The following TRIT1 variants were observed in gnomAD, a reference collection of about 807,000 sequenced individuals.
TRIT1 encodes the protein tRNA isopentenyltransferase 1, also known as tRNA dimethylallyltransferase.
In TRIT1, 43 loss-of-function variants were observed where a neutral mutation model predicts 51.2. The observed-to-expected ratio is 0.84, with a 90% CI of 0.66 to 1.08. The LOEUF (loss-of-function observed/expected upper bound fraction) is 1.08, where lower values mean the gene tolerates loss of function less well. Among genes scored for constraint, TRIT1 ranks in the 50% least tolerant of loss-of-function variants. The probability of loss-of-function intolerance (pLI) is 0.00; values close to 1 mark genes in which losing one functional copy is unlikely to be tolerated. For missense variants in TRIT1, 528 were observed against 578.4 expected (o/e 0.91, Z 0.89); for synonymous variants, 184 against 203.9 (o/e 0.90, Z 0.83).
In TRIT1 at chr1:39,862,867, C is replaced by G. The variant is rs7533318; in HGVS notation, c.175-5450G>C. 4.0e-3 allele frequency: 3,982 copies of G among 985,410 alleles called. 103 individuals are homozygous for G. In the African/African-American group the frequency reaches 0.057, roughly 14 times the overall value. The allele number at this position is 985,410 out of a possible 1,614,324, so 61.0% of individuals were successfully genotyped here. The stretch of plus-strand genomic sequence containing the variant: ...GAATGCTGGGAAGAGCCAAAAGGAT[C>G]TGTGTTATCTTTCAAAGACAGCATG... On this transcript the variant is annotated intron_variant, in intron 1 of 10. Coordinates refer to ENST00000316891, the MANE Select transcript of TRIT1 (RefSeq NM_017646.6).
At chr1:39,842,771 T>G (rs1641991139) in intron 10 of TRIT1, among the ~76,000 whole-genome samples, 1 of 152,230 alleles carries the variant, frequency 6.6e-6, no homozygotes, top group Non-Finnish European at 1.5e-5. Context: ...AAACATCATT[T>G]TTAAGAGTTT....
intron 1 of TRIT1, among the ~76,000 whole-genome samples, chr1:39,857,636 T>A (rs536924940): frequency 6.6e-6 from 1 of 152,310 alleles, no homozygotes; most frequent in African/African-American, 2.4e-5. Flanking sequence ...AAATAGTAGC[T>A]ATTAGCTCAG....
chr1:39,867,142 G>A (rs1643601441), intron 1 of TRIT1, among the ~76,000 whole-genome samples: 2 of 152,278 alleles, frequency 1.3e-5, no homozygotes, highest in South Asian at 2.1e-4. Context: ...TAAGGCCATA[G>A]TTTTCTTCTT....
chr1:39,844,097 C>CT lies in TRIT1; in HGVS notation c.1234+3dup. ...ATTTCTTCATGCCCCTCCCCATACT[C>CT]TACCTGCCCATTCGCGATCCCCAAT... On this transcript the variant is annotated splice_donor_region_variant and intron_variant, in intron 10 of 10. Coordinates refer to ENST00000316891, the MANE Select transcript of TRIT1 (RefSeq NM_017646.6). 3 of 1,610,556 alleles carry CT rather than the reference C, an allele frequency of 1.9e-6. No homozygotes were observed. The highest frequency in any genetic ancestry group is 2.5e-6 in the Non-Finnish European group (3 of 1,176,746).
At chr1:39,869,128 C>CTCCAGGGTCTCCCTCTG (rs1643724286) in intron 1 of TRIT1, among the ~76,000 whole-genome samples, 1 of 151,894 alleles carries the variant, frequency 6.6e-6, no homozygotes, top group Admixed American at 6.6e-5. Context: ...CTCCCTCTCT[C>CTCCAGGGTCTCCCTCTG]TCCAGGGTCT....
rs747839263 is a variant in TRIT1 at position 39,883,356 on chromosome 1, G to T, written c.136C>A (p.Arg46=). 1 of 1,612,230 alleles carries T rather than the reference G, an allele frequency of 6.2e-7. No homozygotes were observed. The highest frequency in any genetic ancestry group is 8.5e-7 in the Non-Finnish European group (1 of 1,179,404). ...GCGCTGACGATCTCACCGCCGAGCCGCTGGCCTAGCTGCAACGCCAGCGTG... is the reference window on the plus strand; with the variant it reads ...GCGCTGACGATCTCACCGCCGAGCCTCTGGCCTAGCTGCAACGCCAGCGTG... The part of the protein sequence containing the change: ...KSTLALQLGQ[R]LGGEIVSADS... Residue 46 remains arginine (R), a synonymous_variant, in exon 1 of 11, where the codon CGG becomes AGG. Coordinates refer to ENST00000316891, the MANE Select transcript of TRIT1 (RefSeq NM_017646.6).
At chr1:39,847,727 G>A in intron 6 of TRIT1, 67 bp from the exon 7 acceptor site, 1 of 1,608,470 alleles carries the variant, frequency 6.2e-7, no homozygotes, top group South Asian at 1.1e-5. Flanking sequence ...TTTGGAGATG[G>A]ACCTAGTTGA....
intron 1 of TRIT1, among the ~76,000 whole-genome samples, chr1:39,878,587 A>G (rs1363554577): frequency 1.3e-5 from 2 of 152,252 alleles, no homozygotes; most frequent in Non-Finnish European, 2.9e-5. Flanking sequence ...AAAAGGAATT[A>G]TTAAAATGCA....
At chr1:39,859,907 T>A (rs1485939805) in intron 1 of TRIT1, among the ~76,000 whole-genome samples, 1 of 152,190 alleles carries the variant, frequency 6.6e-6, no homozygotes, top group African/African-American at 2.4e-5. Context: ...TGTAAATATC[T>A]CTACCAGCAC....
chr1:39,860,946 C>T (rs900967721), intron 1 of TRIT1, among the ~76,000 whole-genome samples: 5 of 152,028 alleles, frequency 3.3e-5, no homozygotes, highest in Admixed American at 6.6e-5. Flanking sequence ...GGCGTGGTGG[C>T]GCACGCCTGT....
intron 9 of TRIT1, 92 bp downstream of exon 9, chr1:39,844,439 A>G (rs769285071): frequency 1.4e-5 from 15 of 1,061,404 alleles, no homozygotes; most frequent in Non-Finnish European, 2.0e-5. Context: ...TATGGAAAAG[A>G]AGGCCTGGTT....
At position 39,849,982 on chromosome 1, in the gene TRIT1, AATG is replaced by A. The variant is rs1390128314; in HGVS notation, c.703+134_703+136del. ...TGTGCCTAAGCCAACAAATAATGAT[AATG>A]ATAATAAAATTAATAGCTAATACTT... On this transcript the variant is annotated intron_variant, in intron 5 of 10. Coordinates refer to ENST00000316891, the MANE Select transcript of TRIT1 (RefSeq NM_017646.6). 5 of 882,234 alleles carry A rather than the reference AATG, an allele frequency of 5.7e-6. No individual in the cohort carries two copies. The East Asian group carries it at 1.3e-4, about 24-fold the overall frequency. The allele number at this position is 882,234 out of a possible 1,614,324, so 54.7% of individuals were successfully genotyped here.
At chr1:39,875,735 G>A (rs1329085450) in intron 1 of TRIT1, among the ~76,000 whole-genome samples, 1 of 151,874 alleles carries the variant, frequency 6.6e-6, no homozygotes, top group Non-Finnish European at 1.5e-5. Context: ...TTTTCTGCTT[G>A]ATAAAATGTA....
chr1:39,850,486 T>C (rs1642498057), intron 4 of TRIT1, among the ~76,000 whole-genome samples: 1 of 152,130 alleles, frequency 6.6e-6, no homozygotes. Flanking sequence ...CAACAGACCC[T>C]GTCTCTTCAA....
rs563655936 is a variant in TRIT1 at position 39,862,839 on chromosome 1, C to T, written c.175-5422G>A. The T allele has an allele frequency of 5.1e-6, 5 of 985,382 alleles. No individual in the cohort carries two copies. The South Asian group carries it at 2.3e-4, about 46-fold the overall frequency. The allele number at this position is 985,382 out of a possible 1,614,324, so 61.0% of individuals were successfully genotyped here. A position where few individuals can be genotyped will look rare whatever the true frequency, so the allele number is the denominator to read the frequency against. Reference sequence around the variant, plus strand: ...TCAGCATCACTCTACCTACAATCAGCCTGAATGCTGGGAAGAGCCAAAAGG... The same window carrying T: ...TCAGCATCACTCTACCTACAATCAGTCTGAATGCTGGGAAGAGCCAAAAGG... On this transcript the variant is annotated intron_variant, in intron 1 of 10. Coordinates refer to ENST00000316891, the MANE Select transcript of TRIT1 (RefSeq NM_017646.6).
chr1:39,857,723 G>T (rs1476316220), intron 1 of TRIT1, among the ~76,000 whole-genome samples: 1 of 152,218 alleles, frequency 6.6e-6, no homozygotes, highest in Non-Finnish European at 1.5e-5. Flanking sequence ...GAACTTTAAA[G>T]CACTGAAAAT....
At chr1:39,847,798 T>G in intron 6 of TRIT1, 138 bp from the exon 7 acceptor site, 1 of 1,509,856 alleles carries the variant, frequency 6.6e-7, no homozygotes, top group South Asian at 1.3e-5. Flanking sequence ...TCTCTGAAAT[T>G]TTCCCCTCCC....
intron 3 of TRIT1, among the ~76,000 whole-genome samples, chr1:39,853,217 A>C (rs2124608939): frequency 6.6e-6 from 1 of 152,304 alleles, no homozygotes; most frequent in South Asian, 2.1e-4. Context: ...AGTGAATTAC[A>C]GTTTACACAG....
intron 4 of TRIT1, among the ~76,000 whole-genome samples, chr1:39,851,700 C>T (rs1339604324): frequency 4.6e-5 from 7 of 151,938 alleles, no homozygotes; most frequent in Admixed American, 2.0e-4. Flanking sequence ...CCCAGCACTT[C>T]GGTAGGCTGA....
Sources: gnomAD v4.1 joint callset for allele counts (sites outside exome capture counted in the v4.1 genomes callset) on GRCh38, gnomAD v4.1.1 for gene constraint, MANE v1.5 for transcripts, NCBI Gene and HGNC (gene_info 2026-07-23, HGNC 2026-07-21) for gene names.